The following FRAS1 variants were observed in gnomAD, a reference collection of about 807,000 sequenced individuals.
FRAS1 encodes the protein extracellular matrix organizing protein FRAS1.
FRAS1 carries 290 observed loss-of-function variants against 435.2 expected under a neutral mutation model. That is an observed-to-expected ratio of 0.67 (90% CI 0.61 to 0.73). The LOEUF (loss-of-function observed/expected upper bound fraction) is 0.73, where lower values mean the gene tolerates loss of function less well. Ranked by LOEUF, FRAS1 falls within the 30% of genes least tolerant of loss-of-function variation. The pLI, the probability that FRAS1 is intolerant of heterozygous loss-of-function variation, is 0.00. For missense variants in FRAS1, 4,860 were observed against 5,001.5 expected (o/e 0.97, Z 0.85); for synonymous variants, 1,800 against 1,851.0 (o/e 0.97, Z 0.71).
chr4:78,317,600 T>G, intron 17 of FRAS1, 92 bp downstream of exon 17: 3 of 1,202,668 alleles, frequency 2.5e-6, no homozygotes. Context: ...AGTGTAACTT[T>G]TCTTCTAGTG....
intron 18 of FRAS1, among the ~76,000 whole-genome samples, chr4:78,321,839 A>G (rs757753024): frequency 1.7e-4 from 8 of 45,970 alleles, no homozygotes; most frequent in South Asian, 6.6e-4. Flanking sequence ...AAACTTCGTC[A>G]AAAAAAAAAA....
At chr4:78,146,252 A>T (rs1386453216) in intron 2 of FRAS1, among the ~76,000 whole-genome samples, 1 of 152,156 alleles carries the variant, frequency 6.6e-6, no homozygotes, top group Admixed American at 6.6e-5. Flanking sequence ...TCCAGAAGCA[A>T]CTACTTTTAA....
chr4:78,119,749 A>G (rs1387360853), intron 2 of FRAS1, among the ~76,000 whole-genome samples: 1 of 152,224 alleles, frequency 6.6e-6, no homozygotes, highest in Non-Finnish European at 1.5e-5. Context: ...TAATTCAGCG[A>G]GATGAGGGAG....
At chr4:78,398,226 C>A (rs1252121220) in intron 29 of FRAS1, among the ~76,000 whole-genome samples, 1 of 152,192 alleles carries the variant, frequency 6.6e-6, no homozygotes, top group Non-Finnish European at 1.5e-5. Flanking sequence ...CATAAATATT[C>A]TAAAAGGCTC....
At chr4:78,117,727 C>T (rs1249036257) in intron 2 of FRAS1, among the ~76,000 whole-genome samples, 1 of 152,246 alleles carries the variant, frequency 6.6e-6, no homozygotes, top group African/African-American at 2.4e-5. Flanking sequence ...GTTAGCCATT[C>T]ATCTAATTTT....
intron 12 of FRAS1, 63 bp from the exon 13 acceptor site, chr4:78,284,342 G>A (rs2110183675): frequency 6.8e-7 from 1 of 1,478,988 alleles, no homozygotes; most frequent in Non-Finnish European, 9.3e-7. Context: ...CTTTTCTGAA[G>A]GATGTAAGAG....
intron 64 of FRAS1, among the ~76,000 whole-genome samples, chr4:78,512,792 G>A (rs1293086988): frequency 6.6e-6 from 1 of 152,218 alleles, no homozygotes; most frequent in Non-Finnish European, 1.5e-5. Flanking sequence ...ATTGAGGCTG[G>A]CGGGGCTGGA....
intron 2 of FRAS1, among the ~76,000 whole-genome samples, chr4:78,198,384 T>C (rs369493591): frequency 7.3e-6 from 1 of 136,664 alleles, no homozygotes; most frequent in Non-Finnish European, 1.6e-5. Context: ...ATTTCCTCTG[T>C]CTTGATCTCA....
rs1729213377 is a variant in FRAS1, at chr4:78,315,667, G to C, written c.1752G>C (p.Leu584=). Residue 584 remains leucine (L), a synonymous_variant, in exon 16 of 74, where the codon CTG becomes CTC. Coordinates refer to ENST00000512123, the MANE Select transcript of FRAS1 (RefSeq NM_025074.7). The stretch of plus-strand genomic sequence containing the variant: ...TTACCTGTACTGAGAAGACAGTGCT[G>C]CATGATGGGAAATGCATGTCTGAAT... ...RCLTCTEKTV[L]HDGKCMSECP... is the part of the protein sequence containing the mutation. The C allele has an allele frequency of 6.2e-7, 1 of 1,613,966 alleles. No individual in the cohort carries two copies. The highest frequency in any genetic ancestry group is 2.2e-5 in the East Asian group (1 of 44,882).
intron 35 of FRAS1, among the ~76,000 whole-genome samples, chr4:78,428,017 A>G (rs531565813): frequency 2.6e-5 from 4 of 152,324 alleles, no homozygotes; most frequent in Non-Finnish European, 5.9e-5. Context: ...ACCACTACAG[A>G]TAAACACATT....
At chr4:78,178,448 A>C (rs138030779) in intron 2 of FRAS1, among the ~76,000 whole-genome samples, 41 of 152,356 alleles carry the variant, frequency 2.7e-4, no homozygotes, top group African/African-American at 7.7e-4. Flanking sequence ...ATATAAGAAG[A>C]AGCTACCTGC....
At chr4:78,154,765 GGTA>G (rs1170783022) in intron 2 of FRAS1, among the ~76,000 whole-genome samples, 1 of 152,140 alleles carries the variant, frequency 6.6e-6, no homozygotes, top group Non-Finnish European at 1.5e-5. Flanking sequence ...TTAGCAGTTG[GGTA>G]GTTAAAAACA....
In FRAS1 at chr4:78,542,088, G is replaced by A. The variant is rs1050637910; in HGVS notation, c.*964G>A. The A allele has an allele frequency of 6.6e-6, 1 of 152,140 alleles. No individual in the cohort carries two copies. Among genetic ancestry groups the A allele is most frequent in the Non-Finnish European group, 1.5e-5 (1 of 68,032 alleles). The allele number at this position is 152,140 out of a possible 1,614,324, so 9.4% of individuals were successfully genotyped here. ...TGGTTTTTTATTCTGTTAGTGCTTC[G>A]GGAAAGTAAGTGATTCATTTGAATA... On this transcript the variant is annotated 3_prime_UTR_variant, in exon 74 of 74. Transcript: ENST00000512123.
At chr4:78,266,146 G>A (rs1726342666) in intron 7 of FRAS1, among the ~76,000 whole-genome samples, 1 of 152,168 alleles carries the variant, frequency 6.6e-6, no homozygotes, top group South Asian at 2.1e-4. Flanking sequence ...GTGGGATGGG[G>A]CAGCTGCAGG....
At chr4:78,196,238 A>T (rs1722806959) in intron 2 of FRAS1, among the ~76,000 whole-genome samples, 2 of 152,134 alleles carry the variant, frequency 1.3e-5, no homozygotes, top group South Asian at 2.1e-4. Context: ...TGATCTCCTG[A>T]CCTTGTGATC....
intron 31 of FRAS1, among the ~76,000 whole-genome samples, chr4:78,410,156 C>T (rs1733276156): frequency 6.6e-6 from 1 of 152,148 alleles, no homozygotes; most frequent in Non-Finnish European, 1.5e-5. Context: ...TCTGCCTTTG[C>T]CTTCGTAGGG....
chr4:78,443,291 G>A (rs1021601266), intron 41 of FRAS1, among the ~76,000 whole-genome samples: 7 of 152,228 alleles, frequency 4.6e-5, no homozygotes, highest in African/African-American at 1.7e-4. Context: ...CCAGGAATTT[G>A]AGGCTGTGGT....
In FRAS1 at chr4:78,483,098, G is replaced by A. The variant is rs568968533; in HGVS notation, c.8752+563G>A. 7.2e-5 allele frequency among the ~76,000 whole-genome samples: 11 copies of A among 152,312 alleles called. No individual in the cohort carries two copies. The South Asian group carries it at 2.3e-3, about 32-fold the overall frequency. ...ACTTTTGCTTTGAGCATGGGAGGGG[G>A]TGAATAGAAGAATGGAATGGAAAGA... On this transcript the variant is annotated intron_variant, in intron 58 of 73. Coordinates refer to ENST00000512123, the MANE Select transcript of FRAS1 (RefSeq NM_025074.7).
chr4:78,400,376 G>A (rs1426785669), intron 29 of FRAS1, among the ~76,000 whole-genome samples: 8 of 152,116 alleles, frequency 5.3e-5, no homozygotes, highest in Non-Finnish European at 8.8e-5. Context: ...CTCTAGCAAT[G>A]GAGCTGGCAT....
Sources: gnomAD v4.1 joint callset for allele counts (sites outside exome capture counted in the v4.1 genomes callset) on GRCh38, gnomAD v4.1.1 for gene constraint, MANE v1.5 for transcripts, NCBI Gene and HGNC (gene_info 2026-07-23, HGNC 2026-07-21) for gene names.